COL11A2: variants seen among roughly 807,000 people sequenced by gnomAD.
COL11A2 encodes collagen type XI alpha 2 chain.
A neutral mutation model predicts 273.4 loss-of-function variants in COL11A2; 116 were observed. The observed-to-expected ratio is 0.42, with a 90% CI of 0.36 to 0.49. The LOEUF (loss-of-function observed/expected upper bound fraction) is 0.49. COL11A2 is among the 20% of genes least tolerant of loss of function. The pLI is 0.00. For synonymous variants in COL11A2, 782 were observed against 864.2 expected (o/e 0.90, Z 1.67); for missense variants, 1,866 against 2,309.0 (o/e 0.81, Z 3.93).
At position 33,179,759 on chromosome 6, in the gene COL11A2, G is replaced by T; in HGVS notation, c.1406C>A (p.Ala469Asp). 1 of 1,612,082 alleles carries T rather than the reference G, an allele frequency of 6.2e-7. No individual in the cohort carries two copies. ...GGGDKGPVVA[A>D]QEAQAQAILQ... ...GATCGCCTGGGCCTGAGCCTCCTGG[G>T]CCGCCACCACAGGGCCCTTGTCACC... The change falls in exon 13 of 66, where the codon GCC (alanine) becomes GAC (aspartate). Residue 469 changes from alanine (A) to aspartate (D), a missense_variant. Ala to Asp is a moderately radical substitution (Grantham distance 126). Coordinates refer to ENST00000341947, the MANE Select transcript of COL11A2 (RefSeq NM_080680.3). This position sits in a 1 kb window ranked among gnomAD's most constrained non-coding sequence, Gnocchi z 6.4.
rs1768969101 is a variant in COL11A2 at position 33,165,403 on chromosome 6, C to T, written c.4750+146G>A. On this transcript the variant is annotated intron_variant, in intron 63 of 65. Transcript: ENST00000341947. The surrounding 1 kb of genome is among the most constrained non-coding windows in gnomAD (Gnocchi z 7.7). ...GCTAAAGTATTGGGATACTTCTGAC[C>T]TGGTTAGTAAATAGCTGCAGTTCCC... is the stretch of plus-strand genomic sequence containing the variant. 8.0e-7 allele frequency: 1 copy of T among 1,248,340 alleles called. No homozygotes were observed. The highest frequency in any genetic ancestry group is 1.5e-5 in the African/African-American group (1 of 68,112). The allele number at this position is 1,248,340 out of a possible 1,614,324, so 77.3% of individuals were successfully genotyped here. A position where few individuals can be genotyped will look rare whatever the true frequency, so the allele number is the denominator to read the frequency against.
intron 52 of COL11A2, 71 bp from the exon 53 acceptor site, chr6:33,168,830 C>T: frequency 6.2e-7 from 1 of 1,605,648 alleles, no homozygotes. Flanking sequence ...CTGTCAATAC[C>T]CCATCCCCTT....
chr6:33,171,259 A>T lies in COL11A2; in HGVS notation c.3312+12T>A, dbSNP rs761732193. 6.2e-7 allele frequency: 1 copy of T among 1,614,054 alleles called. No homozygotes were observed. Among genetic ancestry groups the T allele is most frequent in the Admixed American group, 1.7e-5 (1 of 60,012 alleles). On this transcript the variant is annotated intron_variant, in intron 44 of 65. Transcript: ENST00000341947. ...GGCCAGGAGGTCAGAAGTCAAGGTC[A>T]TGGACACTTACATGTTCACCCTTGT...
At position 33,170,164 on chromosome 6, in the gene COL11A2, C is replaced by T. The variant is rs1769823868; in HGVS notation, c.3583-64G>A. ...GGAGGTGCCATTTCAGGGGCAAAGT[C>T]CCAGATGAGCAGCCCAAGGTTACAG... On this transcript the variant is annotated intron_variant, in intron 48 of 65. Coordinates refer to ENST00000341947, the MANE Select transcript of COL11A2 (RefSeq NM_080680.3). The surrounding 1 kb of genome is among the most constrained non-coding windows in gnomAD (Gnocchi z 4.3). 6.2e-7 allele frequency: 1 copy of T among 1,606,686 alleles called. No individual in the cohort carries two copies. Among genetic ancestry groups the T allele is most frequent in the Non-Finnish European group, 8.5e-7 (1 of 1,174,282 alleles).
rs1583282613 is a variant in COL11A2, at chr6:33,164,736, T to C, written c.4863+116A>G. ...AAAGAGCTAAGAAGTGGAGAAGGGG[T>C]GGCAGGCTCCGGGGGGGGCAACAGC... On this transcript the variant is annotated intron_variant, in intron 64 of 65. Transcript: ENST00000341947. This position sits in a 1 kb window ranked among gnomAD's most constrained non-coding sequence, Gnocchi z 4.7. 1 of 815,350 alleles carries C rather than the reference T, an allele frequency of 1.2e-6. No homozygotes were observed. Among genetic ancestry groups the C allele is most frequent in the Admixed American group, 2.3e-5 (1 of 43,474 alleles). The allele number at this position is 815,350 out of a possible 1,614,324, so 50.5% of individuals were successfully genotyped here.
Position 33,178,784 on chromosome 6 carries a change from C to A in COL11A2, c.1666-52G>T. On this transcript the variant is annotated intron_variant, in intron 17 of 65. Coordinates refer to ENST00000341947, the MANE Select transcript of COL11A2 (RefSeq NM_080680.3). This position sits in a 1 kb window ranked among gnomAD's most constrained non-coding sequence, Gnocchi z 4.6. ...GAGGACACGACCCTGTCCAAGCCCA[C>A]CCCTCCCTACTGCACCCTGAGCTGG... The A allele has an allele frequency of 2.5e-6, 4 of 1,609,522 alleles. No individual in the cohort carries two copies. Among genetic ancestry groups the A allele is most frequent in the Non-Finnish European group, 3.4e-6 (4 of 1,176,920 alleles).
intron 8 of COL11A2, among the ~76,000 whole-genome samples, chr6:33,182,572 G>A (rs1291882379): frequency 4.6e-5 from 7 of 151,868 alleles, no homozygotes; most frequent in African/African-American, 9.7e-5. Context: ...ATAGCCGGGC[G>A]CAGTGGCACA....
chr6:33,167,079 C>T lies in COL11A2; in HGVS notation c.4221G>A (p.Lys1407=). Residue 1407 remains lysine (K), a synonymous_variant, in exon 58 of 66, where the codon AAG becomes AAA. Coordinates refer to ENST00000341947, the MANE Select transcript of COL11A2 (RefSeq NM_080680.3). The surrounding 1 kb of genome is among the most constrained non-coding windows in gnomAD (Gnocchi z 6.1). The part of the protein sequence containing the change: ...LPGLRGDAGA[K]GEKGHPGLIG... ...TCTGTCTGTCACTCACCTTCTCTCC[C>T]TTGGCTCCAGCATCGCCCCGGAGAC... The T allele has an allele frequency of 6.2e-7, 1 of 1,613,936 alleles. No homozygotes were observed. Among genetic ancestry groups the T allele is most frequent in the East Asian group, 2.2e-5 (1 of 44,884 alleles).
In COL11A2 at chr6:33,167,916, C is replaced by T. The variant is rs1489830878; in HGVS notation, c.3961-64G>A. On this transcript the variant is annotated intron_variant, in intron 54 of 65. Transcript: ENST00000341947. This position sits in a 1 kb window ranked among gnomAD's most constrained non-coding sequence, Gnocchi z 6.1. ...GGGCAGCCAGGCTCAACTCTTCCCC[C>T]TTCCTGTCCTAGACACACACATACA... 5 of 1,575,346 alleles carry T rather than the reference C, an allele frequency of 3.2e-6. No individual in the cohort carries two copies. The highest frequency in any genetic ancestry group is 2.3e-5 in the South Asian group (2 of 88,798).
Position 33,170,517 on chromosome 6 carries a change from G to A in COL11A2, c.3528+40C>T, listed in dbSNP as rs1401543523. 1 of 1,608,656 alleles carries A rather than the reference G, an allele frequency of 6.2e-7. No homozygotes were observed. Among genetic ancestry groups the A allele is most frequent in the Admixed American group, 1.7e-5 (1 of 59,940 alleles). ...GTGGGGGCTGGCCAGGGAGGGGGGT[G>A]ACTAGTATGGTGGCTAGGGTCAGTA... On this transcript the variant is annotated intron_variant, in intron 47 of 65. Coordinates refer to ENST00000341947, the MANE Select transcript of COL11A2 (RefSeq NM_080680.3). The surrounding 1 kb of genome is among the most constrained non-coding windows in gnomAD (Gnocchi z 4.3).
Position 33,178,777 on chromosome 6 carries a change from A to G in COL11A2, c.1666-45T>C. ...CCAGAGTGAGGACACGACCCTGTCC[A>G]AGCCCACCCCTCCCTACTGCACCCT... On this transcript the variant is annotated intron_variant, in intron 17 of 65. Coordinates refer to ENST00000341947, the MANE Select transcript of COL11A2 (RefSeq NM_080680.3). The surrounding 1 kb of genome is among the most constrained non-coding windows in gnomAD (Gnocchi z 4.6). 2 of 1,611,502 alleles carry G rather than the reference A, an allele frequency of 1.2e-6. No homozygotes were observed. The highest frequency in any genetic ancestry group is 1.7e-6 in the Non-Finnish European group (2 of 1,178,716).
At position 33,179,902 on chromosome 6, in the gene COL11A2, G is replaced by A; in HGVS notation, c.1360-97C>T. 8.6e-7 allele frequency: 1 copy of A among 1,159,784 alleles called. No homozygotes were observed. Among genetic ancestry groups the A allele is most frequent in the Non-Finnish European group, 1.3e-6 (1 of 784,216 alleles). 71.8% of individuals were successfully genotyped at this position (1,159,784 alleles called of 1,614,324 possible). A position where few individuals can be genotyped will look rare whatever the true frequency, so the allele number is the denominator to read the frequency against. ...TCCAGCGTTTCTGCCCCTTGCCCCA[G>A]GTTCTGCCCATCCAGCATTTCCCAT... On this transcript the variant is annotated intron_variant, in intron 12 of 65. Coordinates refer to ENST00000341947, the MANE Select transcript of COL11A2 (RefSeq NM_080680.3). This position sits in a 1 kb window ranked among gnomAD's most constrained non-coding sequence, Gnocchi z 6.4.
rs117126784 is a variant in COL11A2, at chr6:33,177,641, G to A, written c.1917+21C>T. 3,250 of 1,612,714 alleles carry A rather than the reference G, an allele frequency of 2.0e-3. 232 individuals are homozygous for A. The East Asian group carries it at 0.03, about 15-fold the overall frequency. ...CCTCGGGGGATAAGAATGGGGGTGG[G>A]ATCTCCTATCCATCACTCACCAAGC... is the stretch of plus-strand genomic sequence containing the variant. On this transcript the variant is annotated intron_variant, in intron 22 of 65. Transcript: ENST00000341947. This position sits in a 1 kb window ranked among gnomAD's most constrained non-coding sequence, Gnocchi z 5.9.
chr6:33,192,130 G>C (rs1359961844), intron 1 of COL11A2, 29 bp downstream of exon 1: 1 of 1,543,912 alleles, frequency 6.5e-7, no homozygotes, highest in African/African-American at 1.4e-5. Context: ...GCCTGACTCC[G>C]AGGACCCAGG....
At position 33,187,174 on chromosome 6, in the gene COL11A2, T is replaced by C. The variant is rs753711138; in HGVS notation, c.607-356A>G. On this transcript the variant is annotated intron_variant, in intron 4 of 65. Transcript: ENST00000341947. ...GCCTCCCCTCTGCGCTTTGTGGCAA[T>C]GCATGAGCCCTTCCACAGTGGCTTC... Among the ~76,000 whole-genome samples, 4 of 152,212 alleles carry C rather than the reference T, an allele frequency of 2.6e-5. 1 individual carries two copies. The highest frequency in any genetic ancestry group is 4.1e-4 in the South Asian group (2 of 4,834).
Position 33,179,357 on chromosome 6 carries a change from A to T in COL11A2, c.1504-73T>A. 3 of 1,575,854 alleles carry T rather than the reference A, an allele frequency of 1.9e-6. No individual in the cohort carries two copies. Among genetic ancestry groups the T allele is most frequent in the Non-Finnish European group, 2.6e-6 (3 of 1,160,962 alleles). ...GTGGCCTCGGAGTGTTCCCCAAAAG[A>T]AGCCCCTTTCCAGAACTATCCACAC... On this transcript the variant is annotated intron_variant, in intron 14 of 65. Coordinates refer to ENST00000341947, the MANE Select transcript of COL11A2 (RefSeq NM_080680.3). This position sits in a 1 kb window ranked among gnomAD's most constrained non-coding sequence, Gnocchi z 6.4.
chr6:33,176,142 T>C lies in COL11A2; in HGVS notation c.2215-73A>G, dbSNP rs776491068. The C allele has an allele frequency of 5.5e-4, 881 of 1,607,268 alleles. 1 individual carries two copies. Among genetic ancestry groups the C allele is most frequent in the Non-Finnish European group, 7.2e-4 (851 of 1,175,156 alleles). Reference sequence around the variant, plus strand: ...GGTTCTAATGGGAATTCTGAGAACATAGGTGGAAGCAGGGGCTCGGGAGCT... The same window carrying C: ...GGTTCTAATGGGAATTCTGAGAACACAGGTGGAAGCAGGGGCTCGGGAGCT... On this transcript the variant is annotated intron_variant, in intron 28 of 65. Transcript: ENST00000341947. The surrounding 1 kb of genome is among the most constrained non-coding windows in gnomAD (Gnocchi z 4.9).
intron 31 of COL11A2, 125 bp downstream of exon 31, chr6:33,174,402 G>A (rs1770608577): frequency 7.2e-7 from 1 of 1,394,910 alleles, no homozygotes; most frequent in Non-Finnish European, 1.0e-6. Flanking sequence ...CTGTAAAATG[G>A]GGGTCAGCTA....
rs377653448 is a variant in COL11A2, at chr6:33,173,774, G to A, written c.2584-29C>T. ...TGGGGGGAAACAGAGTCAAGGAGTG[G>A]GAAGAGCTGCTTTCCAGCTGTCCCC... On this transcript the variant is annotated intron_variant, in intron 34 of 65. Transcript: ENST00000341947. The surrounding 1 kb of genome is among the most constrained non-coding windows in gnomAD (Gnocchi z 6.3). The A allele has an allele frequency of 4.4e-6, 7 of 1,606,288 alleles. No homozygotes were observed. The highest frequency in any genetic ancestry group is 6.0e-6 in the Non-Finnish European group (7 of 1,174,514).
Sources: gnomAD v4.1 joint callset for allele counts (sites outside exome capture counted in the v4.1 genomes callset) on GRCh38, gnomAD v4.1.1 for gene constraint, Gnocchi (gnomAD v3.1) non-coding constraint, MANE v1.5 for transcripts, NCBI Gene and HGNC (gene_info 2026-07-23, HGNC 2026-07-21) for gene names.